The following PCLAF variants were observed in gnomAD, a reference collection of about 807,000 sequenced individuals.
PCLAF encodes PCNA clamp associated factor.
In PCLAF, 12 loss-of-function variants were observed where a neutral mutation model predicts 15.1. The observed-to-expected ratio is 0.79, with a 90% CI of 0.51 to 1.29. The LOEUF is 1.29. Ranked by LOEUF, PCLAF falls within the 50% of genes most tolerant of loss-of-function variation. The pLI is 0.00. For missense variants in PCLAF, 116 were observed against 130.9 expected, an observed-to-expected ratio of 0.89 and a Z score of 0.56; for synonymous variants, 33 against 47.1, an observed-to-expected ratio of 0.70 and a Z score of 1.22.
upstream of PCLAF, among the ~76,000 whole-genome samples, chr15:64,385,220 A>G (rs1899910846): frequency 6.6e-6 from 1 of 152,200 alleles, no homozygotes; most frequent in African/African-American, 2.4e-5. Context: ...CGTACTTATC[A>G]TAACATGTAT....
chr15:64,381,078 G>A (rs1201212175), intron 1 of PCLAF, 40 bp from the exon 2 acceptor site: 1 of 1,593,100 alleles, frequency 6.3e-7, no homozygotes, highest in South Asian at 1.1e-5. Flanking sequence ...GAAGGGGCAG[G>A]AGGGTTCCGA....
Position 64,381,403 on chromosome 15 carries a change from G to C in PCLAF, c.-32C>G, listed in dbSNP as rs896748215. ...ACAAGAAGAGAGGAGAGGAGAGAAC[G>C]AACTGACTTCCCAGCCGAGGGTGTT... On this transcript the variant is annotated 5_prime_UTR_variant, in exon 1 of 4. Transcript: ENST00000300035. 1 of 1,614,098 alleles carries C rather than the reference G, an allele frequency of 6.2e-7. No homozygotes were observed. The highest frequency in any genetic ancestry group is 1.7e-5 in the Admixed American group (1 of 60,014).
chr15:64,382,979 G>C (rs756608479), upstream of PCLAF: 2 of 159,076 alleles, frequency 1.3e-5, no homozygotes, highest in South Asian at 3.1e-4. Context: ...GCGACAGGGC[G>C]AGTCTCCGTC....
Position 64,376,635 on chromosome 15 carries a change from TTTTG to T in PCLAF, c.290+104_290+107del, listed in dbSNP as rs1397624450. 9.8e-6 allele frequency: 8 copies of T among 816,742 alleles called. No homozygotes were observed. The African/African-American group carries it at 1.4e-4, about 14-fold the overall frequency. The allele number at this position is 816,742 out of a possible 1,614,324, so 50.6% of individuals were successfully genotyped here. The stretch of plus-strand genomic sequence containing the variant: ...GGTTCCACCATGTTGGACAGGCTGG[TTTTG>T]AACTCCTGGCCTCAAGTGATCCTCC... On this transcript the variant is annotated intron_variant, in intron 3 of 3. Coordinates refer to ENST00000300035, the MANE Select transcript of PCLAF (RefSeq NM_014736.6).
chr15:64,382,415 C>CAA (rs112399665), upstream of PCLAF: 8,146 of 68,170 alleles, frequency 0.12, 273 homozygotes, highest in Middle Eastern at 0.15. Flanking sequence ...GATCCTGTCT[C>CAA]AAAAAAAAAA....
At chr15:64,387,453 T>G (rs1281988564) in exon 1 of PCLAF, 1 of 1,260,534 alleles carries the variant, frequency 7.9e-7, no homozygotes, top group Admixed American at 2.6e-5. Flanking sequence ...TTACAGCGCT[T>G]ACAATACCTT....
At chr15:64,375,798 C>G (rs916056391) in intron 3 of PCLAF, among the ~76,000 whole-genome samples, 2 of 152,000 alleles carry the variant, frequency 1.3e-5, no homozygotes, top group African/African-American at 4.8e-5. Flanking sequence ...GTAAGAAAAG[C>G]CTAAAGGAAA....
At chr15:64,379,872 G>A (rs910339958) in intron 2 of PCLAF, among the ~76,000 whole-genome samples, 1 of 151,976 alleles carries the variant, frequency 6.6e-6, no homozygotes, top group Non-Finnish European at 1.5e-5. Flanking sequence ...TGCAAAGTTG[G>A]AGAAAACCCA....
chr15:64,365,429 T>G lies in PCLAF; in HGVS notation c.*601A>C, dbSNP rs1596318138. On this transcript the variant is annotated 3_prime_UTR_variant, in exon 4 of 4. Coordinates refer to ENST00000300035, the MANE Select transcript of PCLAF (RefSeq NM_014736.6). ...TGCCCACCATGATTCTATCCTAGTA[T>G]TTTATCTTTTTTCTTGTTGTTGTAG... 1 of 153,340 alleles carries G rather than the reference T, an allele frequency of 6.5e-6. No individual in the cohort carries two copies. 9.5% of individuals were successfully genotyped at this position (153,340 alleles called of 1,614,324 possible). A position where few individuals can be genotyped will look rare whatever the true frequency, so the allele number is the denominator to read the frequency against.
chr15:64,367,528 AAAAC>A (rs1343100058), intron 3 of PCLAF, among the ~76,000 whole-genome samples: 8 of 152,196 alleles, frequency 5.3e-5, no homozygotes, highest in African/African-American at 1.9e-4. Context: ...AAAAAAACAA[AAAAC>A]AAAGTCATTT....
chr15:64,371,028 G>C (rs1399683465), intron 3 of PCLAF, among the ~76,000 whole-genome samples: 1 of 145,722 alleles, frequency 6.9e-6, no homozygotes, highest in East Asian at 2.0e-4. Flanking sequence ...GAGTGCAGTA[G>C]CGCAATCTCG....
At chr15:64,370,941 T>A (rs1899279985) in intron 3 of PCLAF, among the ~76,000 whole-genome samples, 1 of 149,210 alleles carries the variant, frequency 6.7e-6, no homozygotes, top group Non-Finnish European at 1.5e-5. Flanking sequence ...CAGAACCAGA[T>A]TTGTTATTTT....
chr15:64,380,902 C>T, intron 2 of PCLAF, 56 bp downstream of exon 2: 2 of 1,464,096 alleles, frequency 1.4e-6, no homozygotes, highest in South Asian at 2.3e-5. Flanking sequence ...TCATGGCAAG[C>T]CAGGGGCTTG....
chr15:64,386,523 A>G (rs1899940846), intron 1 of PCLAF, among the ~76,000 whole-genome samples: 1 of 151,954 alleles, frequency 6.6e-6, no homozygotes, highest in African/African-American at 2.4e-5. Flanking sequence ...GATTCTCCTT[A>G]TGCTGCCCAG....
chr15:64,374,764 C>T (rs1173125504), intron 3 of PCLAF, among the ~76,000 whole-genome samples: 4 of 148,914 alleles, frequency 2.7e-5, no homozygotes, highest in Non-Finnish European at 3.0e-5. Flanking sequence ...GAGAATCAAT[C>T]GAACCCAGGA....
At chr15:64,385,539 C>T (rs1215943654), upstream of PCLAF, among the ~76,000 whole-genome samples, 4 of 151,802 alleles carry the variant, frequency 2.6e-5, no homozygotes, top group Non-Finnish European at 4.4e-5. Context: ...GCAGGAAAAT[C>T]GCTTGAACCC....
intron 3 of PCLAF, among the ~76,000 whole-genome samples, chr15:64,367,121 T>G (rs951437497): frequency 6.6e-6 from 1 of 150,760 alleles, no homozygotes; most frequent in East Asian, 2.0e-4. Flanking sequence ...GGTCTCTGTG[T>G]CAATAAAACA....
At chr15:64,379,437 C>T (rs933262440) in intron 2 of PCLAF, among the ~76,000 whole-genome samples, 5 of 150,864 alleles carry the variant, frequency 3.3e-5, no homozygotes, top group African/African-American at 1.2e-4. Context: ...GCTGTGATTG[C>T]ACCACTGCAC....
Position 64,380,995 on chromosome 15 carries a change from G to C in PCLAF, c.90C>G (p.Thr30=). ...AAACTGATGTCGAATTAGTGGCAGAGGTGGAAGAACCAAGCACCTTTCTGG... is the reference window on the plus strand; with the variant it reads ...AAACTGATGTCGAATTAGTGGCAGACGTGGAAGAACCAAGCACCTTTCTGG... ...RAPRKVLGSS[T]SATNSTSVSS... is the part of the protein sequence containing the mutation. The change falls in exon 2 of 4, where the codon ACC becomes ACG. Residue 30 remains threonine, a synonymous_variant. Coordinates refer to ENST00000300035, the MANE Select transcript of PCLAF (RefSeq NM_014736.6). 4 of 1,614,120 alleles carry C rather than the reference G, an allele frequency of 2.5e-6. No homozygotes were observed. The highest frequency in any genetic ancestry group is 3.4e-6 in the Non-Finnish European group (4 of 1,180,026).
Sources: gnomAD v4.1 joint callset for allele counts (sites outside exome capture counted in the v4.1 genomes callset) on GRCh38, gnomAD v4.1.1 for gene constraint, MANE v1.5 for transcripts, NCBI Gene and HGNC (gene_info 2026-07-23, HGNC 2026-07-21) for gene names.